CALD1: variants seen among roughly 807,000 people sequenced by gnomAD.
The protein encoded by CALD1 is caldesmon.
Under a neutral mutation model 99.9 loss-of-function variants are expected in CALD1, and 33 were observed. The observed-to-expected ratio is 0.33, with a 90% CI of 0.25 to 0.44. The LOEUF is 0.44. CALD1 is among the 20% of genes least tolerant of loss of function. The pLI, the probability that CALD1 is intolerant of heterozygous loss-of-function variation, is 1.00. For missense variants in CALD1, 861 were observed against 962.1 expected, an observed-to-expected ratio of 0.89 and a Z score of 1.39; for synonymous variants, 310 against 325.0, an observed-to-expected ratio of 0.95 and a Z score of 0.50.
intron 8 of CALD1, among the ~76,000 whole-genome samples, chr7:134,949,573 G>A (rs1807171267): frequency 6.6e-6 from 1 of 152,112 alleles, no homozygotes; most frequent in Non-Finnish European, 1.5e-5. Context: ...TTGAAGCGGG[G>A]AGCAACCATA....
At chr7:134,727,561 T>C in the CALD1 span, among the ~76,000 whole-genome samples, 1 of 152,240 alleles carries the variant, frequency 6.6e-6, no homozygotes, top group Non-Finnish European at 1.5e-5. Flanking sequence ...AGTCCATTTT[T>C]AAAAAGTAGC....
chr7:134,730,203 G>GCCTC, the CALD1 span, among the ~76,000 whole-genome samples: 9 of 148,600 alleles, frequency 6.1e-5, no homozygotes, highest in Admixed American at 1.3e-4. Flanking sequence ...CTCCCTCCCT[G>GCCTC]CCTCCCTCCC....
intron 9 of CALD1, among the ~76,000 whole-genome samples, chr7:134,953,324 C>G (rs1323856764): frequency 6.6e-6 from 1 of 151,956 alleles, no homozygotes; most frequent in East Asian, 1.9e-4. Context: ...ACTAAAAATA[C>G]AAAAATTAGC....
chr7:134,781,654 C>T (rs1390696983), intron 1 of CALD1, among the ~76,000 whole-genome samples: 1 of 152,072 alleles, frequency 6.6e-6, no homozygotes, highest in Non-Finnish European at 1.5e-5. Context: ...AATTCCAGAA[C>T]AAAAAGTCAC....
At chr7:134,919,274 G>A (rs189525983) in intron 3 of CALD1, among the ~76,000 whole-genome samples, 1 of 152,196 alleles carries the variant, frequency 6.6e-6, no homozygotes, top group African/African-American at 2.4e-5. Flanking sequence ...TACTCCCTGG[G>A]TGCCTTCTAA....
chr7:134,726,189 C>CA, the CALD1 span, among the ~76,000 whole-genome samples: 2 of 150,424 alleles, frequency 1.3e-5, no homozygotes, highest in East Asian at 1.9e-4. Flanking sequence ...ACCAGGCATG[C>CA]AAAAAAAGCT....
intron 1 of CALD1, among the ~76,000 whole-genome samples, chr7:134,757,055 A>T (rs770588359): frequency 1.3e-5 from 2 of 151,576 alleles, no homozygotes; most frequent in African/African-American, 4.8e-5. Flanking sequence ...ACTTGGCATG[A>T]ATTGCTTTCT....
intron 1 of CALD1, among the ~76,000 whole-genome samples, chr7:134,818,328 TAG>T (rs1490446921): frequency 6.6e-6 from 1 of 152,214 alleles, no homozygotes; most frequent in Non-Finnish European, 1.5e-5. Context: ...AAGTTTCAAC[TAG>T]AGTTTCACCC....
At position 134,947,443 on chromosome 7, in the gene CALD1, C is replaced by T. The variant is rs1806974258; in HGVS notation, c.1533-65C>T. Reference sequence around the variant, plus strand: ...GATGCAGAAGCCGCAGACCGACCTCCCCTTCCTCCAGGGAGACTACAGGCA... The same window carrying T: ...GATGCAGAAGCCGCAGACCGACCTCTCCTTCCTCCAGGGAGACTACAGGCA... On this transcript the variant is annotated intron_variant, in intron 7 of 14. Transcript: ENST00000361675. 7 of 1,484,332 alleles carry T rather than the reference C, an allele frequency of 4.7e-6. No individual in the cohort carries two copies. The South Asian group carries it at 7.6e-5, about 16-fold the overall frequency. The allele number at this position is 1,484,332 out of a possible 1,614,324, so 91.9% of individuals were successfully genotyped here. A position where few individuals can be genotyped will look rare whatever the true frequency, so the allele number is the denominator to read the frequency against.
At chr7:134,866,356 A>G (rs1346749580) in intron 2 of CALD1, among the ~76,000 whole-genome samples, 24 of 152,214 alleles carry the variant, frequency 1.6e-4, no homozygotes, top group Admixed American at 1.6e-3. Context: ...AAACATCAAA[A>G]ATTTAAAACC....
At chr7:134,962,366 T>TAAAAAAAAAAAAA (rs35952925) in intron 13 of CALD1, 1 of 91,988 alleles carries the variant, frequency 1.1e-5, no homozygotes. Flanking sequence ...GACAGCCTCC[T>TAAAAAAAAAAAAA]AAAAAAAAAA....
intron 3 of CALD1, among the ~76,000 whole-genome samples, chr7:134,880,888 C>T (rs900450251): frequency 3.3e-5 from 5 of 152,144 alleles, no homozygotes; most frequent in Admixed American, 3.3e-4. Context: ...GCTACAGATG[C>T]TCAGCGGCTT....
chr7:134,917,092 C>A (rs924459735), intron 3 of CALD1, among the ~76,000 whole-genome samples: 2 of 152,156 alleles, frequency 1.3e-5, no homozygotes, highest in African/African-American at 4.8e-5. Flanking sequence ...CAGATCTAGA[C>A]CTCTATGCAA....
At chr7:134,876,469 T>A (rs1801359032) in intron 3 of CALD1, among the ~76,000 whole-genome samples, 1 of 152,168 alleles carries the variant, frequency 6.6e-6, no homozygotes, top group East Asian at 1.9e-4. Context: ...TTCTAAAACT[T>A]AAAAACCGTT....
At chr7:134,946,444 T>C (rs1302857266) in intron 7 of CALD1, among the ~76,000 whole-genome samples, 1 of 152,166 alleles carries the variant, frequency 6.6e-6, no homozygotes, top group Non-Finnish European at 1.5e-5. Context: ...CTTGCAAGAC[T>C]GAAAGACTAC....
intron 2 of CALD1, among the ~76,000 whole-genome samples, chr7:134,848,804 C>T (rs1236094756): frequency 2.0e-5 from 3 of 152,232 alleles, no homozygotes; most frequent in East Asian, 1.9e-4. Flanking sequence ...TAACTGTCTC[C>T]CATTATTGGC....
At chr7:134,763,917 CAAAAA>C (rs34036528) in intron 1 of CALD1, among the ~76,000 whole-genome samples, 1 of 103,392 alleles carries the variant, frequency 9.7e-6, no homozygotes. Flanking sequence ...GACTCCATCT[CAAAAA>C]AAAAAAAAAA....
At chr7:134,937,618 T>C (rs1806085768) in intron 6 of CALD1, among the ~76,000 whole-genome samples, 1 of 150,168 alleles carries the variant, frequency 6.7e-6, no homozygotes, top group Non-Finnish European at 1.5e-5. Context: ...CTCTTCCTAT[T>C]TTTTTTTCCT....
chr7:134,899,839 G>A (rs1745463129), intron 3 of CALD1: 2 of 152,040 alleles, frequency 1.3e-5, no homozygotes, highest in African/African-American at 2.4e-5. Context: ...TAGAGACGAG[G>A]TCTCACTATG....
Sources: gnomAD v4.1 joint callset for allele counts (sites outside exome capture counted in the v4.1 genomes callset) on GRCh38, gnomAD v4.1.1 for gene constraint, MANE v1.5 for transcripts, NCBI Gene and HGNC (gene_info 2026-07-23, HGNC 2026-07-21) for gene names.